The following PTTG1IP2 variants were observed in gnomAD, a reference collection of about 807,000 sequenced individuals.
PTTG1IP2 encodes the protein PTTG1IP family member 2.
At chr7:90,493,262 G>C (rs991682508) in intron 5 of PTTG1IP2, among the ~76,000 whole-genome samples, 1 of 152,144 alleles carries the variant, frequency 6.6e-6, no homozygotes, top group African/African-American at 2.4e-5. Context: ...ATGAGAAACA[G>C]GGTAAACCTT....
intron 6 of PTTG1IP2, among the ~76,000 whole-genome samples, chr7:90,498,524 T>G (rs895268386): frequency 7.2e-5 from 11 of 152,186 alleles, no homozygotes; most frequent in African/African-American, 2.7e-4. Flanking sequence ...GTAGCTATAC[T>G]TATATCAAAC....
chr7:90,476,044 A>G (rs1325811377), intron 1 of PTTG1IP2, among the ~76,000 whole-genome samples: 1 of 152,204 alleles, frequency 6.6e-6, no homozygotes, highest in African/African-American at 2.4e-5. Flanking sequence ...GTGCTCTAGA[A>G]GGTATACAAA....
At chr7:90,497,108 A>G (rs986189259) in intron 6 of PTTG1IP2, among the ~76,000 whole-genome samples, 3 of 152,324 alleles carry the variant, frequency 2.0e-5, no homozygotes, top group Non-Finnish European at 2.9e-5. Context: ...GGCCTAACAT[A>G]TGGTCTACGT....
intron 2 of PTTG1IP2, among the ~76,000 whole-genome samples, chr7:90,481,963 A>T (rs1797819744): frequency 6.6e-6 from 1 of 152,198 alleles, no homozygotes; most frequent in South Asian, 2.1e-4. Context: ...TCTAAATATC[A>T]TTTATAATGG....
chr7:90,510,285 C>T (rs939562047), intron 6 of PTTG1IP2, among the ~76,000 whole-genome samples: 6 of 151,632 alleles, frequency 4.0e-5, no homozygotes, highest in Admixed American at 6.6e-5. Flanking sequence ...ACATATTATC[C>T]GAAAAGAAAA....
At chr7:90,499,745 G>A (rs1449943416) in intron 6 of PTTG1IP2, among the ~76,000 whole-genome samples, 3 of 151,904 alleles carry the variant, frequency 2.0e-5, no homozygotes, top group Non-Finnish European at 2.9e-5. Context: ...AAGCATGCCT[G>A]GCTAATTTTT....
At chr7:90,483,701 A>G (rs1473707574) in intron 2 of PTTG1IP2, among the ~76,000 whole-genome samples, 1 of 152,216 alleles carries the variant, frequency 6.6e-6, no homozygotes, top group Non-Finnish European at 1.5e-5. Context: ...CTTTCAAATT[A>G]ATCACTCATT....
intron 6 of PTTG1IP2, among the ~76,000 whole-genome samples, chr7:90,506,511 C>G (rs1215556563): frequency 6.6e-6 from 1 of 152,062 alleles, no homozygotes; most frequent in African/African-American, 2.4e-5. Context: ...ACCTGTAATC[C>G]CAGCACTTTG....
chr7:90,509,158 G>GT (rs1798157128), intron 6 of PTTG1IP2, among the ~76,000 whole-genome samples: 1 of 143,606 alleles, frequency 7.0e-6, no homozygotes, highest in Non-Finnish European at 1.5e-5. Flanking sequence ...AATCAGATTT[G>GT]TAAGGAAACA....
intron 1 of PTTG1IP2, among the ~76,000 whole-genome samples, chr7:90,471,640 A>G (rs1407837631): frequency 6.6e-6 from 1 of 152,248 alleles, no homozygotes; most frequent in Non-Finnish European, 1.5e-5. Context: ...ACAGCATGGC[A>G]AGACTCCAAA....
intron 6 of PTTG1IP2, among the ~76,000 whole-genome samples, chr7:90,496,411 G>A (rs1283295558): frequency 6.6e-6 from 1 of 151,888 alleles, no homozygotes; most frequent in African/African-American, 2.4e-5. Flanking sequence ...TTTCTTCTAG[G>A]CTATCCCATT....
chr7:90,478,113 A>AAAG (rs1226081360), intron 1 of PTTG1IP2, among the ~76,000 whole-genome samples: 3 of 151,400 alleles, frequency 2.0e-5, no homozygotes, highest in African/African-American at 7.3e-5. Flanking sequence ...AAAAAAAAAA[A>AAAG]AAAGAAAAAG....
chr7:90,472,595 C>T (rs1374848033), intron 1 of PTTG1IP2, among the ~76,000 whole-genome samples: 3 of 152,192 alleles, frequency 2.0e-5, no homozygotes, highest in Non-Finnish European at 4.4e-5. Flanking sequence ...TTGTCACATA[C>T]TCTAAGCTTA....
At chr7:90,491,731 T>C (rs771172790) in intron 4 of PTTG1IP2, among the ~76,000 whole-genome samples, 5 of 152,240 alleles carry the variant, frequency 3.3e-5, no homozygotes, top group Non-Finnish European at 5.9e-5. Context: ...TGCTAGCTTA[T>C]TGATATTTTA....
intron 6 of PTTG1IP2, among the ~76,000 whole-genome samples, chr7:90,503,272 C>A (rs1798082922): frequency 6.6e-6 from 1 of 152,162 alleles, no homozygotes; most frequent in Admixed American, 6.5e-5. Flanking sequence ...TAGACTTTGA[C>A]TTAAAGGAAT....
intron 6 of PTTG1IP2, among the ~76,000 whole-genome samples, chr7:90,508,139 C>T (rs930228272): frequency 6.6e-6 from 1 of 151,602 alleles, no homozygotes; most frequent in Non-Finnish European, 1.5e-5. Flanking sequence ...TGGTGGTGCA[C>T]GCCTATAGTC....
chr7:90,507,009 A>G (rs1005725255), intron 6 of PTTG1IP2, among the ~76,000 whole-genome samples: 1 of 152,230 alleles, frequency 6.6e-6, no homozygotes, highest in African/African-American at 2.4e-5. Context: ...GTCACTCGAT[A>G]TATTCCTGAC....
intron 5 of PTTG1IP2, among the ~76,000 whole-genome samples, chr7:90,493,435 T>C (rs1003344057): frequency 2.0e-4 from 31 of 152,150 alleles, no homozygotes; most frequent in African/African-American, 7.2e-4. Context: ...CTTCCGAAGG[T>C]TGAAATCAAA....
intron 4 of PTTG1IP2, among the ~76,000 whole-genome samples, chr7:90,490,158 CT>C (rs1173984356): frequency 2.0e-5 from 3 of 151,742 alleles, no homozygotes; most frequent in Non-Finnish European, 1.5e-5. Context: ...TGATTTTTTC[CT>C]TTTGGTGGAG....
Sources: gnomAD v4.1 joint callset for allele counts (sites outside exome capture counted in the v4.1 genomes callset) on GRCh38, gnomAD v4.1.1 for gene constraint, MANE v1.5 for transcripts, NCBI Gene and HGNC (gene_info 2026-07-23, HGNC 2026-07-21) for gene names.